Variants in KATNIP observed in about 807,000 individuals in gnomAD.
KATNIP encodes the protein katanin-interacting protein.
Under a neutral mutation model 174.0 loss-of-function variants are expected in KATNIP, and 126 were observed. That is an observed-to-expected ratio of 0.72 (90% CI 0.63 to 0.84). KATNIP has a LOEUF of 0.84. Ranked by LOEUF, KATNIP falls within the 40% of genes least tolerant of loss-of-function variation. KATNIP has a pLI of 0.00. For missense variants in KATNIP, 1,958 were observed against 2,109.7 expected (o/e 0.93, Z 1.41); for synonymous variants, 810 against 835.7 (o/e 0.97, Z 0.53).
At chr16:27,724,465 C>T (rs1448968875) in intron 14 of KATNIP, among the ~76,000 whole-genome samples, 2 of 152,344 alleles carry the variant, frequency 1.3e-5, no homozygotes, top group Non-Finnish European at 2.9e-5. Flanking sequence ...TATGCTCAGC[C>T]TTCCTTGTGC....
intron 4 of KATNIP, 145 bp from the exon 5 acceptor site, chr16:27,630,920 C>A: frequency 1.6e-6 from 1 of 624,336 alleles, no homozygotes; most frequent in Non-Finnish European, 2.9e-6. Context: ...TGTCTTGTTG[C>A]CACAACCACG....
At chr16:27,664,260 T>C (rs1436804849) in intron 6 of KATNIP, among the ~76,000 whole-genome samples, 1 of 152,250 alleles carries the variant, frequency 6.6e-6, no homozygotes, top group Admixed American at 6.5e-5. Context: ...GATGGTTTAA[T>C]TTCTGGGTTT....
intron 6 of KATNIP, among the ~76,000 whole-genome samples, chr16:27,675,165 G>C: frequency 6.6e-6 from 1 of 152,318 alleles, no homozygotes; most frequent in East Asian, 1.9e-4. Flanking sequence ...ACAGTTCCAC[G>C]TAGTTGGGGA....
chr16:27,550,995 C>T (rs62029084), intron 1 of KATNIP, among the ~76,000 whole-genome samples: 8 of 152,210 alleles, frequency 5.3e-5, no homozygotes, highest in Non-Finnish European at 1.2e-4. Flanking sequence ...AGGAAAGCTG[C>T]TCACCAAGCA....
intron 6 of KATNIP, chr16:27,654,472 T>C: frequency 1.5e-6 from 1 of 673,654 alleles, no homozygotes; most frequent in Non-Finnish European, 2.3e-6. Context: ...AGATCCACTT[T>C]AGGAGCAAGA....
intron 12 of KATNIP, among the ~76,000 whole-genome samples, chr16:27,707,274 G>A (rs1342316871): frequency 6.6e-6 from 1 of 152,206 alleles, no homozygotes; most frequent in Non-Finnish European, 1.5e-5. Flanking sequence ...ACCATTTTGT[G>A]AGTGACTGAT....
Position 27,750,030 on chromosome 16 carries a change from T to A in KATNIP, c.3070T>A (p.Tyr1024Asn). 1 of 1,614,136 alleles carries A rather than the reference T, an allele frequency of 6.2e-7. No individual in the cohort carries two copies. The highest frequency in any genetic ancestry group is 2.2e-5 in the East Asian group (1 of 44,876). ...DPPDINILPA[Y>N]GKDPRVVTNL... ...TCCCGATATCAATATTTTACCAGCC[T>A]ATGGGAAAGACCCCCGCGTGGTCAC... is the stretch of plus-strand genomic sequence containing the variant. Residue 1024 changes from tyrosine (Y) to asparagine (N), a missense_variant, in exon 16 of 28, where the codon TAT becomes AAT. Physicochemically the swap from Tyr to Asn is moderately radical, Grantham distance 143. Around this residue, in one of 3 missense-constraint regions of KATNIP, gnomAD observed 1,557 missense variants for 1,617.8 expected, o/e 0.96. Coordinates refer to ENST00000261588, the MANE Select transcript of KATNIP (RefSeq NM_015202.5).
intron 1 of KATNIP, among the ~76,000 whole-genome samples, chr16:27,571,411 A>G (rs2090287639): frequency 6.6e-6 from 1 of 152,158 alleles, no homozygotes. Flanking sequence ...TTAGAGATGA[A>G]AAGCAACCAT....
intron 18 of KATNIP, chr16:27,754,467 T>G: frequency 1.8e-6 from 1 of 564,764 alleles, no homozygotes; most frequent in Admixed American, 3.2e-5. Context: ...GGGCATCTCT[T>G]AGCATTTTGC....
chr16:27,616,570 T>A (rs2076042795), intron 2 of KATNIP, among the ~76,000 whole-genome samples: 1 of 145,160 alleles, frequency 6.9e-6, no homozygotes, highest in Admixed American at 6.9e-5. Flanking sequence ...CTACTAAAAA[T>A]ACAAAAATTA....
chr16:27,695,573 T>A (rs9931654), intron 8 of KATNIP, among the ~76,000 whole-genome samples: 26,326 of 152,178 alleles, frequency 0.17, 2,531 homozygotes, highest in African/African-American at 0.25. Context: ...CACATCAAAC[T>A]CTGTGTTTTA....
rs117138713 is a variant in KATNIP at position 27,681,566 on chromosome 16, G to A, written c.940+36G>A. ...CGGGGGCCCCTGAGCAGGGGAGCAG[G>A]GCTGCGACTGGGTCACTCTCTGGGG... On this transcript the variant is annotated intron_variant, in intron 8 of 27. Coordinates refer to ENST00000261588, the MANE Select transcript of KATNIP (RefSeq NM_015202.5). 6.2e-3 allele frequency: 10,079 copies of A among 1,613,000 alleles called. 47 individuals carry two copies. The highest frequency in any genetic ancestry group is 7.9e-3 in the Non-Finnish European group (9,369 of 1,179,352).
chr16:27,558,835 T>C (rs538587219), intron 1 of KATNIP, among the ~76,000 whole-genome samples: 1 of 152,326 alleles, frequency 6.6e-6, no homozygotes, highest in Admixed American at 6.5e-5. Flanking sequence ...ACTGTGATTG[T>C]GTCTGTTTTA....
chr16:27,551,208 T>C (rs1181652467), intron 1 of KATNIP, among the ~76,000 whole-genome samples: 1 of 152,236 alleles, frequency 6.6e-6, no homozygotes, highest in African/African-American at 2.4e-5. Flanking sequence ...TGGTAGGGTC[T>C]GGGCTAGAGT....
At chr16:27,667,164 TA>T (rs911639485) in intron 6 of KATNIP, among the ~76,000 whole-genome samples, 2 of 152,048 alleles carry the variant, frequency 1.3e-5, no homozygotes, top group African/African-American at 4.8e-5. Flanking sequence ...CTACAAAACA[TA>T]CAAAAATTAG....
chr16:27,633,115 A>T (rs2076538881), intron 5 of KATNIP, among the ~76,000 whole-genome samples: 1 of 152,022 alleles, frequency 6.6e-6, no homozygotes, highest in Non-Finnish European at 1.5e-5. Context: ...GAGGGAGGGG[A>T]TATAATGAGG....
Position 27,740,544 on chromosome 16 carries a change from G to A in KATNIP, c.2247G>A (p.Gly749=). 1 of 1,614,102 alleles carries A rather than the reference G, an allele frequency of 6.2e-7. No homozygotes were observed. The highest frequency in any genetic ancestry group is 2.2e-5 in the East Asian group (1 of 44,866). Residue 749 remains glycine, a synonymous_variant, in exon 15 of 28, where the codon GGG becomes GGA. Coordinates refer to ENST00000261588, the MANE Select transcript of KATNIP (RefSeq NM_015202.5). ...LMGRKICEPP[G]KTPSWLQPSP... ...GCAGAAAAATCTGTGAGCCACCCGG[G>A]AAAACCCCATCCTGGTTACAACCTT...
chr16:27,624,028 C>T (rs374059367), intron 3 of KATNIP, among the ~76,000 whole-genome samples: 112 of 152,290 alleles, frequency 7.4e-4, no homozygotes, highest in Admixed American at 2.1e-3. Context: ...CCTCCCTGGG[C>T]TGCCATGAGG....
At chr16:27,646,247 T>A (rs1290932908) in intron 5 of KATNIP, among the ~76,000 whole-genome samples, 1 of 152,152 alleles carries the variant, frequency 6.6e-6, no homozygotes, top group Non-Finnish European at 1.5e-5. Context: ...TCCTCTCAGC[T>A]CTCTTTGCTC....
Sources: allele counts gnomAD v4.1 joint callset (sites outside exome capture counted in the v4.1 genomes callset), GRCh38; gene constraint gnomAD v4.1.1; regional missense constraint gnomAD v4.1.1; transcripts MANE v1.5; gene names NCBI Gene and HGNC (gene_info 2026-07-23, HGNC 2026-07-21).